GFRAL: variants seen among roughly 807,000 people sequenced by gnomAD.
GFRAL encodes the protein GDNF family receptor alpha-like.
A neutral mutation model predicts 45.4 loss-of-function variants in GFRAL; 36 were observed. The ratio of observed to expected loss-of-function variants is 0.79; its 90% CI spans 0.61 to 1.05. GFRAL has a LOEUF of 1.05. Among genes scored for constraint, GFRAL ranks in the 50% least tolerant of loss-of-function variants. GFRAL has a pLI of 0.00. For synonymous variants in GFRAL, 166 were observed against 154.1 expected (o/e 1.08, Z -0.57); for missense variants, 507 against 467.5 (o/e 1.08, Z -0.78).
rs192592731 is a variant in GFRAL, at chr6:55,392,333, A to G, written c.953-6847A>G. 1.9e-3 allele frequency among the ~76,000 whole-genome samples: 294 copies of G among 152,334 alleles called. 1 individual carries two copies. Among genetic ancestry groups the G allele is most frequent in the African/African-American group, 6.7e-3 (278 of 41,570 alleles). On this transcript the variant is annotated intron_variant, in intron 6 of 8. Transcript: ENST00000340465. ...TGAATATCTCTCCATATTGATTGTC[A>G]TTATGCTAGCTTTGAAGTAGGAAGT...
chr6:55,342,356 T>A (rs1767979483), intron 3 of GFRAL, among the ~76,000 whole-genome samples: 1 of 151,852 alleles, frequency 6.6e-6, no homozygotes, highest in Non-Finnish European at 1.5e-5. Flanking sequence ...CAGAAGAGAG[T>A]GGGGACCAAT....
At chr6:55,395,175 A>AAAATATATATATATATATATAT in intron 6 of GFRAL, among the ~76,000 whole-genome samples, 4 of 123,512 alleles carry the variant, frequency 3.2e-5, no homozygotes, top group African/African-American at 1.4e-4. Flanking sequence ...AAAAAAAAAA[A>AAAATATATATATATATATATAT]ATATATATAT....
chr6:55,352,288 G>A (rs1768128413), intron 5 of GFRAL, among the ~76,000 whole-genome samples: 1 of 152,012 alleles, frequency 6.6e-6, no homozygotes, highest in South Asian at 2.1e-4. Context: ...AAGGATTATA[G>A]GTTAAACATT....
At chr6:55,374,479 GT>G (rs543359367) in intron 6 of GFRAL, among the ~76,000 whole-genome samples, 19 of 151,678 alleles carry the variant, frequency 1.3e-4, no homozygotes, top group East Asian at 1.2e-3. Flanking sequence ...AGTGTTGCTT[GT>G]TTTTTTTCTT....
In GFRAL at chr6:55,401,812, G is replaced by A. The variant is rs367840186; in HGVS notation, c.1144G>A (p.Ala382Thr). The A allele has an allele frequency of 1.0e-5, 16 of 1,545,748 alleles. No individual in the cohort carries two copies. Among genetic ancestry groups the A allele is most frequent in the African/African-American group, 1.4e-5 (1 of 73,778 alleles). The change falls in exon 9 of 9, where the codon GCA (alanine) becomes ACA (threonine). Residue 382 changes from alanine (A) to threonine (T), a missense_variant. Coordinates refer to ENST00000340465, the MANE Select transcript of GFRAL (RefSeq NM_207410.2). ...CAGAACTTCCAGAATATCAAGTAAA[G>A]CAAGAGATCCTTCATCGATCCAAAT... ...KLRTSRISSK[A>T]RDPSSIQIPG...
At chr6:55,334,811 GTTTA>G (rs1161529766) in intron 3 of GFRAL, among the ~76,000 whole-genome samples, 1 of 152,014 alleles carries the variant, frequency 6.6e-6, no homozygotes, top group Non-Finnish European at 1.5e-5. Context: ...TTTTAATTCA[GTTTA>G]TTTTGTTTAA....
At chr6:55,364,724 G>T (rs1372828572) in intron 6 of GFRAL, among the ~76,000 whole-genome samples, 1 of 151,502 alleles carries the variant, frequency 6.6e-6, no homozygotes, top group Non-Finnish European at 1.5e-5. Context: ...GTTTTTCTCA[G>T]GTTTGTCAAA....
At position 55,333,810 on chromosome 6, in the gene GFRAL, G is replaced by T; in HGVS notation, c.182G>T (p.Arg61Met). 6.2e-7 allele frequency: 1 copy of T among 1,601,104 alleles called. No individual in the cohort carries two copies. Among genetic ancestry groups the T allele is most frequent in the Non-Finnish European group, 8.5e-7 (1 of 1,173,864 alleles). The change falls in exon 3 of 9, where the codon AGG becomes ATG. Residue 61 changes from arginine to methionine, a missense_variant. Arg to Met is a moderately conservative substitution (Grantham distance 91, BLOSUM62 -1). Coordinates refer to ENST00000340465, the MANE Select transcript of GFRAL (RefSeq NM_207410.2). The part of the protein sequence containing the change: ...DSDPGDPCKM[R>M]NSSYCNLSIQ... ...GATCCAGGTGACCCCTGCAAGATGA[G>T]GAATTCATCATACTGTAACCTGAGT...
chr6:55,332,745 T>A (rs1767846679), intron 2 of GFRAL, among the ~76,000 whole-genome samples: 1 of 152,070 alleles, frequency 6.6e-6, no homozygotes, highest in African/African-American at 2.4e-5. Flanking sequence ...AAAGAAAAAA[T>A]ATATATATTT....
intron 6 of GFRAL, among the ~76,000 whole-genome samples, chr6:55,387,030 G>C (rs1561866317): frequency 6.6e-6 from 1 of 152,098 alleles, no homozygotes; most frequent in Non-Finnish European, 1.5e-5. Flanking sequence ...TAAGGAAGGG[G>C]AAAAATCCTT....
At chr6:55,359,240 GCA>G in intron 6 of GFRAL, 102 bp downstream of exon 6, 1 of 908,314 alleles carries the variant, frequency 1.1e-6, no homozygotes, top group South Asian at 1.9e-5. Context: ...AGGTAATCCA[GCA>G]CAGACATTTT....
chr6:55,374,807 G>T (rs993388722), intron 6 of GFRAL, among the ~76,000 whole-genome samples: 1 of 152,110 alleles, frequency 6.6e-6, no homozygotes, highest in African/African-American at 2.4e-5. Flanking sequence ...TGTATATGGT[G>T]TAAGGAAGGG....
intron 6 of GFRAL, among the ~76,000 whole-genome samples, chr6:55,385,043 A>C (rs986365093): frequency 2.6e-5 from 4 of 152,050 alleles, no homozygotes; most frequent in Admixed American, 1.3e-4. Context: ...TCTGATGGAA[A>C]GCACTAAGAC....
chr6:55,351,204 A>G, intron 4 of GFRAL, 49 bp from the exon 5 acceptor site: 1 of 1,292,020 alleles, frequency 7.7e-7, no homozygotes, highest in Non-Finnish European at 1.1e-6. Context: ...TTCTGTATGT[A>G]CAGCTTTGTG....
At chr6:55,346,813 C>T (rs984650968) in intron 3 of GFRAL, among the ~76,000 whole-genome samples, 10 of 56,438 alleles carry the variant, frequency 1.8e-4, no homozygotes, top group Admixed American at 3.7e-4. Context: ...GATATCAGTA[C>T]AAAAAATAAA....
chr6:55,356,595 G>C (rs1310176679), intron 5 of GFRAL, among the ~76,000 whole-genome samples: 2 of 151,696 alleles, frequency 1.3e-5, no homozygotes, highest in Non-Finnish European at 2.9e-5. Context: ...GAGGTCTTCT[G>C]TTTCTTTTTA....
chr6:55,348,839 T>C (rs1162214838), intron 3 of GFRAL, among the ~76,000 whole-genome samples: 1 of 152,102 alleles, frequency 6.6e-6, no homozygotes, highest in Non-Finnish European at 1.5e-5. Flanking sequence ...CTGTTGTTTA[T>C]TTAGGTCTAC....
chr6:55,343,297 C>T (rs765255820), intron 3 of GFRAL, among the ~76,000 whole-genome samples: 24 of 152,140 alleles, frequency 1.6e-4, no homozygotes, highest in Non-Finnish European at 3.4e-4. Flanking sequence ...CCTTGGCAAA[C>T]GTAAAAGAAC....
At chr6:55,392,587 T>G (rs1768767783) in intron 6 of GFRAL, among the ~76,000 whole-genome samples, 1 of 152,204 alleles carries the variant, frequency 6.6e-6, no homozygotes, top group African/African-American at 2.4e-5. Flanking sequence ...GTGGGATTGA[T>G]GTTGCATCAC....
Sources: gnomAD v4.1 joint callset for allele counts (sites outside exome capture counted in the v4.1 genomes callset) on GRCh38, gnomAD v4.1.1 for gene constraint, MANE v1.5 for transcripts, NCBI Gene and HGNC (gene_info 2026-07-23, HGNC 2026-07-21) for gene names.